AFG1L: variants seen among roughly 807,000 people sequenced by gnomAD.
The protein encoded by AFG1L is AFG1 like ATPase, also known as AFG1-like ATPase.
A neutral mutation model predicts 62.2 loss-of-function variants in AFG1L; 53 were observed. The ratio of observed to expected loss-of-function variants is 0.85; its 90% CI spans 0.68 to 1.07. The LOEUF is 1.07. Ranked by LOEUF, AFG1L falls within the 50% of genes least tolerant of loss-of-function variation. The pLI is 0.00. For synonymous variants in AFG1L, 228 were observed against 210.3 expected, an observed-to-expected ratio of 1.08 and a Z score of -0.73; for missense variants, 555 against 590.5, an observed-to-expected ratio of 0.94 and a Z score of 0.62.
chr6:108,412,943 A>G (rs995138507), intron 7 of AFG1L, among the ~76,000 whole-genome samples: 35 of 152,240 alleles, frequency 2.3e-4, no homozygotes, highest in African/African-American at 7.7e-4. Flanking sequence ...AATGGGCTAA[A>G]TGCTCCAATT....
chr6:108,364,718 G>A (rs1461835891), intron 5 of AFG1L, among the ~76,000 whole-genome samples: 2 of 151,984 alleles, frequency 1.3e-5, no homozygotes, highest in South Asian at 2.1e-4. Flanking sequence ...GTGTTTTTGC[G>A]GAAGCCAAAT....
intron 10 of AFG1L, among the ~76,000 whole-genome samples, chr6:108,483,037 AC>A (rs1255244210): frequency 1.3e-5 from 2 of 152,122 alleles, no homozygotes; most frequent in African/African-American, 4.8e-5. Context: ...CCCTCTTTCA[AC>A]TACATATCCA....
chr6:108,358,498 C>A (rs1316477538), intron 5 of AFG1L, among the ~76,000 whole-genome samples: 1 of 152,060 alleles, frequency 6.6e-6, no homozygotes, highest in East Asian at 1.9e-4. Flanking sequence ...ATGTAGATTT[C>A]AAAACTTTCA....
intron 8 of AFG1L, among the ~76,000 whole-genome samples, chr6:108,448,566 A>T (rs1771912563): frequency 6.6e-6 from 1 of 152,072 alleles, no homozygotes; most frequent in Non-Finnish European, 1.5e-5. Flanking sequence ...TAAAGATGGT[A>T]GTCTGAGTCT....
intron 10 of AFG1L, among the ~76,000 whole-genome samples, chr6:108,492,939 T>TACACAC (rs141066470): frequency 1.3e-5 from 2 of 150,792 alleles, no homozygotes; most frequent in South Asian, 2.1e-4. Flanking sequence ...CAAATAATTA[T>TACACAC]ACACACACAC....
At chr6:108,409,302 C>A (rs910882827) in intron 7 of AFG1L, among the ~76,000 whole-genome samples, 5 of 152,128 alleles carry the variant, frequency 3.3e-5, no homozygotes, top group African/African-American at 1.2e-4. Flanking sequence ...GAATTTTGCT[C>A]ACTCCTCTTT....
At chr6:108,383,697 G>A (rs1293316218) in intron 6 of AFG1L, among the ~76,000 whole-genome samples, 1 of 152,132 alleles carries the variant, frequency 6.6e-6, no homozygotes, top group African/African-American at 2.4e-5. Context: ...ATCTTGAGGG[G>A]CAGTGTCATC....
At chr6:108,415,501 C>A (rs183095992) in intron 7 of AFG1L, among the ~76,000 whole-genome samples, 1 of 152,164 alleles carries the variant, frequency 6.6e-6, no homozygotes, top group African/African-American at 2.4e-5. Flanking sequence ...GGAGGCATCA[C>A]GCTACCTGAC....
chr6:108,396,187 G>A (rs1327504430), intron 6 of AFG1L, among the ~76,000 whole-genome samples: 1 of 151,630 alleles, frequency 6.6e-6, no homozygotes, highest in Non-Finnish European at 1.5e-5. Context: ...CCTATAGAAT[G>A]ACTTTTAAAA....
chr6:108,500,043 C>G (rs1774125527), intron 10 of AFG1L, among the ~76,000 whole-genome samples: 1 of 151,996 alleles, frequency 6.6e-6, no homozygotes, highest in Non-Finnish European at 1.5e-5. Context: ...CAAGTGAGAA[C>G]ATGCAGTATT....
At chr6:108,446,318 C>T (rs1235693417) in intron 7 of AFG1L, among the ~76,000 whole-genome samples, 2 of 151,976 alleles carry the variant, frequency 1.3e-5, no homozygotes, top group Admixed American at 6.6e-5. Flanking sequence ...AAGGAGGCAT[C>T]CACAGCAGGA....
intron 11 of AFG1L, among the ~76,000 whole-genome samples, chr6:108,516,472 C>A (rs971938369): frequency 6.6e-6 from 1 of 152,066 alleles, no homozygotes; most frequent in African/African-American, 2.4e-5. Context: ...TAAAAACTCT[C>A]AATAAATTAG....
intron 1 of AFG1L, among the ~76,000 whole-genome samples, chr6:108,322,434 G>T (rs1777849995): frequency 6.6e-6 from 1 of 152,044 alleles, no homozygotes; most frequent in African/African-American, 2.4e-5. Context: ...TCCTTTAATG[G>T]GGTATGTCAG....
intron 7 of AFG1L, among the ~76,000 whole-genome samples, chr6:108,441,138 ATTTTCTCC>A (rs1771528375): frequency 6.6e-6 from 1 of 152,128 alleles, no homozygotes; most frequent in African/African-American, 2.4e-5. Flanking sequence ...GTTTTAAAAG[ATTTTCTCC>A]ACAATGTCTT....
intron 7 of AFG1L, among the ~76,000 whole-genome samples, chr6:108,440,175 A>G (rs1378099011): frequency 6.6e-6 from 1 of 152,094 alleles, no homozygotes; most frequent in South Asian, 2.1e-4. Context: ...TTCAAAAAAG[A>G]TACATTTTTA....
At chr6:108,445,474 G>C (rs1771732685) in intron 7 of AFG1L, among the ~76,000 whole-genome samples, 1 of 152,030 alleles carries the variant, frequency 6.6e-6, no homozygotes, top group South Asian at 2.1e-4. Context: ...TGTGGCTTTT[G>C]TCATACCTTC....
intron 6 of AFG1L, among the ~76,000 whole-genome samples, chr6:108,366,689 T>A (rs1779776322): frequency 6.6e-6 from 1 of 151,984 alleles, no homozygotes; most frequent in Non-Finnish European, 1.5e-5. Context: ...AAACTCATAA[T>A]TAAATTTTAG....
At chr6:108,346,510 C>T (rs575017708) in intron 2 of AFG1L, among the ~76,000 whole-genome samples, 4 of 152,144 alleles carry the variant, frequency 2.6e-5, no homozygotes, top group South Asian at 2.1e-4. Context: ...GGACCACAGG[C>T]GCATGCCACC....
intron 11 of AFG1L, among the ~76,000 whole-genome samples, chr6:108,519,423 C>T (rs1375950230): frequency 1.3e-5 from 2 of 152,226 alleles, no homozygotes; most frequent in Non-Finnish European, 2.9e-5. Context: ...ACATCTTGAG[C>T]TGAGTCCTCT....
Sources: allele counts gnomAD v4.1 joint callset (sites outside exome capture counted in the v4.1 genomes callset), GRCh38; gene constraint gnomAD v4.1.1; transcripts MANE v1.5; gene names NCBI Gene and HGNC (gene_info 2026-07-23, HGNC 2026-07-21).